Variants in TWF2 observed in about 807,000 individuals in gnomAD.
TWF2 encodes the protein twinfilin actin binding protein 2, also known as twinfilin-2.
TWF2 carries 15 observed loss-of-function variants against 45.1 expected under a neutral mutation model. The observed-to-expected ratio is 0.33, with a 90% CI of 0.22 to 0.51. The LOEUF is 0.51. Among genes scored for constraint, TWF2 ranks in the 20% least tolerant of loss-of-function variants. TWF2 has a pLI of 0.97. For synonymous variants in TWF2, 177 were observed against 195.8 expected, an observed-to-expected ratio of 0.90 and a Z score of 0.80; for missense variants, 423 against 469.1, an observed-to-expected ratio of 0.90 and a Z score of 0.91.
At chr3:52,237,217 C>A (rs1004919927) in intron 1 of TWF2, among the ~76,000 whole-genome samples, 2 of 152,148 alleles carry the variant, frequency 1.3e-5, no homozygotes, top group African/African-American at 4.8e-5. Context: ...CCCTGCCCAC[C>A]CCAGCCCCAA....
chr3:52,228,827 G>A lies in TWF2; in HGVS notation c.*207C>T. On this transcript the variant is annotated 3_prime_UTR_variant, in exon 9 of 9. Transcript: ENST00000305533. ...GCCAGGCAGGGTCCCCGGACACCCT[G>A]GGCACACAGACGAGATGCAGGGACA... The A allele has an allele frequency of 1.3e-6, 1 of 769,322 alleles. No homozygotes were observed. The highest frequency in any genetic ancestry group is 2.0e-6 in the Non-Finnish European group (1 of 499,922). The allele number at this position is 769,322 out of a possible 1,614,324, so 47.7% of individuals were successfully genotyped here.
chr3:52,231,517 G>A lies in TWF2; in HGVS notation c.305C>T (p.Ala102Val). The change falls in exon 4 of 9, where the codon GCG becomes GTG. Residue 102 changes from alanine to valine, a missense_variant. Ala to Val is a moderately conservative substitution (Grantham distance 64). Transcript: ENST00000305533. Reference sequence around the variant, plus strand: ...CTTTTTCACTGTGGCCCGCGTGGCCGCGTACAGCATCTTCAGCCGCACCTG... The same window carrying A: ...CTTTTTCACTGTGGCCCGCGTGGCCACGTACAGCATCTTCAGCCGCACCTG... Reference protein sequence around the residue: ...NSPVRLKMLYAATRATVKKEF... With the variant: ...NSPVRLKMLYVATRATVKKEF... The A allele has an allele frequency of 1.2e-6, 2 of 1,613,548 alleles. No homozygotes were observed. The highest frequency in any genetic ancestry group is 1.7e-6 in the Non-Finnish European group (2 of 1,179,918).
At position 52,232,074 on chromosome 3, in the gene TWF2, T is replaced by C. The variant is rs775804272; in HGVS notation, c.152A>G (p.Gln51Arg). Residue 51 changes from glutamine (Q) to arginine (R), a missense_variant, in exon 3 of 9, where the codon CAG becomes CGG. Coordinates refer to ENST00000305533, the MANE Select transcript of TWF2 (RefSeq NM_007284.4). ...ASQEPVGRWD[Q>R]DYDRAVLPLL... ...TGGCAGCACGGCCCTGTCATAGTCC[T>C]GATCCCAGCGGCCTACTGGCTCCTG... 6 of 1,613,076 alleles carry C rather than the reference T, an allele frequency of 3.7e-6. No homozygotes were observed. The African/African-American group carries it at 8.0e-5, about 22-fold the overall frequency.
intron 3 of TWF2, among the ~76,000 whole-genome samples, chr3:52,231,742 T>C (rs1449701087): frequency 6.6e-6 from 1 of 152,220 alleles, no homozygotes; most frequent in Non-Finnish European, 1.5e-5. Flanking sequence ...GGAGCCAGGC[T>C]GATGCCTGGA....
At chr3:52,229,305 C>T in intron 8 of TWF2, 104 bp from the exon 9 acceptor site, 1 of 1,454,912 alleles carries the variant, frequency 6.9e-7, no homozygotes. Flanking sequence ...ACATCCTAGC[C>T]CTGGGGTCTC....
At chr3:52,233,233 C>A (rs1324706149) in intron 2 of TWF2, among the ~76,000 whole-genome samples, 1 of 152,184 alleles carries the variant, frequency 6.6e-6, no homozygotes, top group Non-Finnish European at 1.5e-5. Context: ...TGGTGTCAGT[C>A]CACCAGACTC....
At chr3:52,237,517 C>T (rs1188240270) in intron 1 of TWF2, among the ~76,000 whole-genome samples, 24 of 152,188 alleles carry the variant, frequency 1.6e-4, no homozygotes, top group Admixed American at 1.3e-4. Flanking sequence ...GTGACCCCCT[C>T]GGTGGGCCTG....
rs942114770 is a variant in TWF2 at position 52,239,104 on chromosome 3, A to C, written c.-88T>G. ...CTCGCTGGACCAAGAGAGGTGGAGG[A>C]TGTGGCGGAGGCTGTCGACCCTCGC... On this transcript the variant is annotated 5_prime_UTR_variant, in exon 1 of 9. Coordinates refer to ENST00000305533, the MANE Select transcript of TWF2 (RefSeq NM_007284.4). 6.7e-7 allele frequency: 1 copy of C among 1,492,226 alleles called. No homozygotes were observed. Among genetic ancestry groups the C allele is most frequent in the Non-Finnish European group, 8.9e-7 (1 of 1,117,340 alleles). The allele number at this position is 1,492,226 out of a possible 1,614,324, so 92.4% of individuals were successfully genotyped here. A position where few individuals can be genotyped will look rare whatever the true frequency, so the allele number is the denominator to read the frequency against.
In TWF2 at chr3:52,231,245, G is replaced by T. The variant is rs756395812; in HGVS notation, c.379-14C>A. The T allele has an allele frequency of 2.5e-5, 40 of 1,613,650 alleles. No individual in the cohort carries two copies. Among genetic ancestry groups the T allele is most frequent in the Non-Finnish European group, 3.3e-5 (39 of 1,179,732 alleles). ...AGAGAGGTCATCCTGCAGGGGTGGGGGTGAATGCAGAGCCATAAATGGGCA... is the reference window on the plus strand; with the variant it reads ...AGAGAGGTCATCCTGCAGGGGTGGGTGTGAATGCAGAGCCATAAATGGGCA... On this transcript the variant is annotated splice_polypyrimidine_tract_variant and intron_variant, in intron 4 of 8. Transcript: ENST00000305533.
Position 52,232,064 on chromosome 3 carries a change from G to A in TWF2, c.162C>T (p.Asp54=). The change falls in exon 3 of 9, where the codon GAC becomes GAT. Residue 54 remains aspartate (D), a synonymous_variant. Transcript: ENST00000305533. ...CGTCCAGCAGTGGCAGCACGGCCCTGTCATAGTCCTGATCCCAGCGGCCTA... is the reference window on the plus strand; with the variant it reads ...CGTCCAGCAGTGGCAGCACGGCCCTATCATAGTCCTGATCCCAGCGGCCTA... ...EPVGRWDQDY[D]RAVLPLLDAQ... 6.2e-7 allele frequency: 1 copy of A among 1,613,672 alleles called. No individual in the cohort carries two copies. The highest frequency in any genetic ancestry group is 8.5e-7 in the Non-Finnish European group (1 of 1,179,798).
At chr3:52,231,592 C>T (rs1031552379) in intron 3 of TWF2, 53 bp from the exon 4 acceptor site, 21 of 1,557,980 alleles carry the variant, frequency 1.3e-5, no homozygotes, top group East Asian at 4.5e-5. Context: ...CTGCCTCTCC[C>T]GGAACAGACA....
chr3:52,235,128 T>C (rs772340212), intron 1 of TWF2, 22 bp from the exon 2 acceptor site: 18 of 1,612,922 alleles, frequency 1.1e-5, no homozygotes, highest in Non-Finnish European at 1.4e-5. Context: ...AGAAACATGG[T>C]GGGGGATGAG....
intron 1 of TWF2, among the ~76,000 whole-genome samples, chr3:52,238,198 G>C (rs182382967): frequency 2.6e-5 from 4 of 152,162 alleles, no homozygotes; most frequent in African/African-American, 7.2e-5. Flanking sequence ...CCCATATCTG[G>C]ACCTCTTCTC....
At chr3:52,230,699 T>C (rs951407938) in intron 6 of TWF2, among the ~76,000 whole-genome samples, 171 bp downstream of exon 6, 14 of 150,716 alleles carry the variant, frequency 9.3e-5, no homozygotes, top group African/African-American at 3.4e-4. Context: ...GCGGAATAGG[T>C]AGGGATCAGG....
At chr3:52,232,153 C>T in intron 2 of TWF2, 31 bp from the exon 3 acceptor site, 1 of 1,496,466 alleles carries the variant, frequency 6.7e-7, no homozygotes, top group African/African-American at 1.4e-5. Context: ...AGCAGCCGCT[C>T]CCAGCTCCCA....
intron 4 of TWF2, 41 bp from the exon 5 acceptor site, chr3:52,231,272 C>T (rs1181705709): frequency 1.2e-6 from 2 of 1,610,602 alleles, no homozygotes; most frequent in African/African-American, 2.7e-5. Context: ...AAATGGGCAC[C>T]TGGGGATTGG....
chr3:52,229,925 G>A lies in TWF2; in HGVS notation c.755C>T (p.Ser252Phe), dbSNP rs764462777. ...GCCCTGCCATGGCCACTCACCTACA[G>A]ACTCAAGGGGGTCGCCCTCATGGGT... ...KHTHEGDPLE[S>F]VVFIYSMPGY... Residue 252 changes from serine to phenylalanine, a missense_variant, in exon 7 of 9, where the codon TCT becomes TTT. Physicochemically the swap from Ser to Phe is radical, Grantham distance 155 (BLOSUM62 -2). Transcript: ENST00000305533. The A allele has an allele frequency of 3.7e-6, 6 of 1,610,652 alleles. No individual in the cohort carries two copies. In the African/African-American group the frequency reaches 5.3e-5, roughly 14 times the overall value.
chr3:52,231,472 A>G lies in TWF2; in HGVS notation c.350T>C (p.Ile117Thr). 3 of 1,614,028 alleles carry G rather than the reference A, an allele frequency of 1.9e-6. No homozygotes were observed. Among genetic ancestry groups the G allele is most frequent in the Non-Finnish European group, 2.5e-6 (3 of 1,179,964 alleles). The change falls in exon 4 of 9, where the codon ATC (isoleucine) becomes ACC (threonine). Residue 117 changes from isoleucine (I) to threonine (T), a missense_variant. Coordinates refer to ENST00000305533, the MANE Select transcript of TWF2 (RefSeq NM_007284.4). Reference sequence around the variant, plus strand: ...CACAGTCCCGAAGAGCTCATCCTTGATGTGGCCACCTCCAAACTCCTTTTT... The same window carrying G: ...CACAGTCCCGAAGAGCTCATCCTTGGTGTGGCCACCTCCAAACTCCTTTTT... ...TVKKEFGGGH[I>T]KDELFGTVKD... is the part of the protein sequence containing the mutation.
intron 8 of TWF2, 80 bp from the exon 9 acceptor site, chr3:52,229,281 C>T: frequency 5.2e-6 from 8 of 1,547,128 alleles, no homozygotes; most frequent in African/African-American, 1.4e-5. Flanking sequence ...ACTCCTGGGG[C>T]ACCCCTTACT....
Sources: allele counts gnomAD v4.1 joint callset (sites outside exome capture counted in the v4.1 genomes callset), GRCh38; gene constraint gnomAD v4.1.1; transcripts MANE v1.5; gene names NCBI Gene and HGNC (gene_info 2026-07-23, HGNC 2026-07-21).